The following SHC2 variants were observed in gnomAD, a reference collection of about 807,000 sequenced individuals.
SHC2 encodes the protein SHC-transforming protein 2.
A neutral mutation model predicts 60.6 loss-of-function variants in SHC2; 62 were observed. That is an observed-to-expected ratio of 1.02 (90% confidence interval 0.83 to 1.26). SHC2 has a LOEUF of 1.26. SHC2 is among the 50% of genes most tolerant of loss of function. The pLI is 0.00. For synonymous variants in SHC2, 375 were observed against 372.4 expected, an observed-to-expected ratio of 1.01 and a Z score of -0.08; for missense variants, 873 against 822.2, an observed-to-expected ratio of 1.06 and a Z score of -0.76.
intron 12 of SHC2, 104 bp from the exon 13 acceptor site, chr19:417,426 G>A (rs1974177961): frequency 6.6e-6 from 1 of 152,364 alleles, no homozygotes; most frequent in Non-Finnish European, 1.5e-5. Flanking sequence ...ATCTCTGCAA[G>A]TGCCACACCT....
At position 422,034 on chromosome 19, in the gene SHC2, G is replaced by C. The variant is rs980528154; in HGVS notation, c.1620+112C>G. On this transcript the variant is annotated intron_variant, in intron 11 of 12. Coordinates refer to ENST00000264554, the MANE Select transcript of SHC2 (RefSeq NM_012435.3). This position sits in a 1 kb window ranked among gnomAD's most constrained non-coding sequence, Gnocchi z 5.0. ...ATGCCCCGAGACCCTCGAGACCCTT[G>C]AGACCCTCCCACCTGTGCCCAGCGA... 1.8e-5 allele frequency: 10 copies of C among 543,264 alleles called. No individual in the cohort carries two copies. The African/African-American group carries it at 4.7e-4, about 25-fold the overall frequency. 33.7% of individuals were successfully genotyped at this position (543,264 alleles called of 1,614,324 possible).
At position 446,925 on chromosome 19, in the gene SHC2, C is replaced by T. The variant is rs1975067292; in HGVS notation, c.469-5993G>A. On this transcript the variant is annotated intron_variant, in intron 1 of 12. Coordinates refer to ENST00000264554, the MANE Select transcript of SHC2 (RefSeq NM_012435.3). The surrounding 1 kb of genome is among the most constrained non-coding windows in gnomAD (Gnocchi z 5.4). ...CAGCCTGGGAGACCGTCCGAGTCTC[C>T]GCCACCGCCCACGCCAGCCACCGGG... 6.6e-6 allele frequency among the ~76,000 whole-genome samples: 1 copy of T among 152,104 alleles called. No individual in the cohort carries two copies. Among genetic ancestry groups the T allele is most frequent in the African/African-American group, 2.4e-5 (1 of 41,410 alleles).
At chr19:423,113 G>A (rs1974324577) in intron 10 of SHC2, among the ~76,000 whole-genome samples, 1 of 151,580 alleles carries the variant, frequency 6.6e-6, no homozygotes, top group Admixed American at 6.6e-5. Flanking sequence ...CCAGCTCCTG[G>A]TCCTGGGGGG....
chr19:418,100 C>T (rs558143453), intron 12 of SHC2, among the ~76,000 whole-genome samples: 41 of 152,258 alleles, frequency 2.7e-4, no homozygotes, highest in African/African-American at 7.0e-4. Flanking sequence ...GTCCCTCCTC[C>T]GTCCACACCC....
At chr19:456,944 G>A (rs1369951990) in intron 1 of SHC2, among the ~76,000 whole-genome samples, 4 of 137,390 alleles carry the variant, frequency 2.9e-5, no homozygotes, top group Admixed American at 7.1e-5. Flanking sequence ...GCTGTGCCCC[G>A]CCCCTAGAAC....
chr19:436,296 G>T lies in SHC2; in HGVS notation c.827-5C>A. On this transcript the variant is annotated splice_polypyrimidine_tract_variant and splice_region_variant and intron_variant, in intron 6 of 12. Coordinates refer to ENST00000264554, the MANE Select transcript of SHC2 (RefSeq NM_012435.3). ...AGCACTCCAGGATGTGGCAGGCTGC[G>T]GGCACGTTGGTCATGCAGCCTCCGA... The T allele has an allele frequency of 6.3e-7, 1 of 1,588,316 alleles. No individual in the cohort carries two copies. The highest frequency in any genetic ancestry group is 1.1e-5 in the South Asian group (1 of 88,022).
Position 441,261 on chromosome 19 carries a change from G to T in SHC2, c.469-329C>A. 2 of 711,772 alleles carry T rather than the reference G, an allele frequency of 2.8e-6. No homozygotes were observed. Among genetic ancestry groups the T allele is most frequent in the South Asian group, 6.7e-5 (1 of 15,024 alleles). 44.1% of individuals were successfully genotyped at this position (711,772 alleles called of 1,614,324 possible). A position where few individuals can be genotyped will look rare whatever the true frequency, so the allele number is the denominator to read the frequency against. ...CTGTTCCACCAGCACCGAAGCCGAG[G>T]AGCGTGGGGATGGTGCGATCCTGAG... On this transcript the variant is annotated intron_variant, in intron 1 of 12. Transcript: ENST00000264554. The surrounding 1 kb of genome is among the most constrained non-coding windows in gnomAD (Gnocchi z 4.9).
In SHC2 at chr19:422,145, C is replaced by A; in HGVS notation, c.1620+1G>T. 1 of 1,603,162 alleles carries A rather than the reference C, an allele frequency of 6.2e-7. No homozygotes were observed. The highest frequency in any genetic ancestry group is 1.1e-5 in the South Asian group (1 of 89,424). The stretch of plus-strand genomic sequence containing the variant: ...GACCCTCCCACCTGTGCACAGCTTA[C>A]CACGCCCTCGGGGTCCACGAGCAGC... On this transcript the variant is annotated splice_donor_variant, in intron 11 of 12. Coordinates refer to ENST00000264554, the MANE Select transcript of SHC2 (RefSeq NM_012435.3). LOFTEE classifies it high-confidence loss of function. The surrounding 1 kb of genome is among the most constrained non-coding windows in gnomAD (Gnocchi z 5.0).
At chr19:435,211 ACT>A (rs1184688586) in intron 7 of SHC2, among the ~76,000 whole-genome samples, 2 of 152,140 alleles carry the variant, frequency 1.3e-5, no homozygotes, top group African/African-American at 4.8e-5. Context: ...CAGGGTGGCA[ACT>A]CTCTGGGATC....
chr19:427,543 ACGG>A, intron 9 of SHC2, among the ~76,000 whole-genome samples: 2 of 139,232 alleles, frequency 1.4e-5, no homozygotes, highest in African/African-American at 5.4e-5. Context: ...GGAATTGCGC[ACGG>A]CACAGGGAAG....
Position 436,233 on chromosome 19 carries a change from G to A in SHC2, c.885C>T (p.Gly295=). The change falls in exon 7 of 13, where the codon GGC becomes GGT. Residue 295 remains glycine (G), a synonymous_variant. Coordinates refer to ENST00000264554, the MANE Select transcript of SHC2 (RefSeq NM_012435.3). ...GCTTGAAGCGCAGCTCGAAAGCTTG[G>A]CCCACGGTGCTGATGATGCTCTGTG... ...GLAQSIISTV[G]QAFELRFKQY... is the part of the protein sequence containing the mutation. 6.2e-7 allele frequency: 1 copy of A among 1,600,354 alleles called. No individual in the cohort carries two copies. The highest frequency in any genetic ancestry group is 8.5e-7 in the Non-Finnish European group (1 of 1,174,140).
intron 1 of SHC2, among the ~76,000 whole-genome samples, chr19:443,630 ATGGACAGATGGATGGTTGGATGGG>A (rs1568293524): frequency 1.5e-5 from 2 of 134,484 alleles, no homozygotes; most frequent in East Asian, 2.5e-4. Flanking sequence ...GGGTGGATGG[ATGGACAGATGGATGGTTGGATGGG>A]TGGACAGATG....
rs1301707048 is a variant in SHC2 at position 418,999 on chromosome 19, G to A, written c.1678C>T (p.Gln560Ter). Residue 560 changes from glutamine (Q) to a stop codon, truncating the protein, a stop_gained, in exon 12 of 13, where the codon CAG becomes TAG. Coordinates refer to ENST00000264554, the MANE Select transcript of SHC2 (RefSeq NM_012435.3). LOFTEE classifies it high-confidence loss of function. ...SISHLIDHHLQNGQPIVAAES... is the reference protein window; with the variant it reads ...SISHLIDHHL ...GCGGCCACGATGGGCTGCCCGTTCTGCAGGTGGTGGTCGATCAGGTGGCTG... is the reference window on the plus strand; with the variant it reads ...GCGGCCACGATGGGCTGCCCGTTCTACAGGTGGTGGTCGATCAGGTGGCTG... The A allele has an allele frequency of 2.5e-6, 4 of 1,587,108 alleles. No homozygotes were observed. The highest frequency in any genetic ancestry group is 2.7e-5 in the African/African-American group (2 of 74,438).
At position 439,033 on chromosome 19, in the gene SHC2, G is replaced by A. The variant is rs1160649652; in HGVS notation, c.540-3C>T. The A allele has an allele frequency of 1.3e-6, 2 of 1,583,102 alleles. No homozygotes were observed. The highest frequency in any genetic ancestry group is 1.7e-6 in the Non-Finnish European group (2 of 1,164,988). ...CATGGAGCCGGTTGATGGCTTCCCT[G>A]GGGTTGGGAGGAGGGGGCTTAGAGA... On this transcript the variant is annotated splice_region_variant and splice_polypyrimidine_tract_variant and intron_variant, in intron 2 of 12. Transcript: ENST00000264554.
At position 425,060 on chromosome 19, in the gene SHC2, A is replaced by G; in HGVS notation, c.1309+37T>C. 1 of 1,350,980 alleles carries G rather than the reference A, an allele frequency of 7.4e-7. No homozygotes were observed. The highest frequency in any genetic ancestry group is 9.6e-7 in the Non-Finnish European group (1 of 1,042,292). 83.7% of individuals were successfully genotyped at this position (1,350,980 alleles called of 1,614,324 possible). ...GCCTCCCCCATCAGACAACACGGCC[A>G]CACGCGATGACGGCCGCCCCCCAGG... On this transcript the variant is annotated intron_variant, in intron 10 of 12. Coordinates refer to ENST00000264554, the MANE Select transcript of SHC2 (RefSeq NM_012435.3). The surrounding 1 kb of genome is among the most constrained non-coding windows in gnomAD (Gnocchi z 4.1).
intron 1 of SHC2, among the ~76,000 whole-genome samples, chr19:444,523 C>G (rs1161454037): frequency 6.6e-6 from 1 of 151,546 alleles, no homozygotes; most frequent in Admixed American, 6.6e-5. Flanking sequence ...GCCTAGTGCA[C>G]GGGGGAGGTG....
Position 460,549 on chromosome 19 carries a change from C to G in SHC2, c.448G>C (p.Gly150Arg). The G allele has an allele frequency of 2.1e-6, 3 of 1,404,494 alleles. No individual in the cohort carries two copies. Among genetic ancestry groups the G allele is most frequent in the African/African-American group, 1.5e-5 (1 of 66,784 alleles). 87.0% of individuals were successfully genotyped at this position (1,404,494 alleles called of 1,614,324 possible). ...LHPDARVLGP[G>R]VSYVVRYMGC... ...CTCACCCGCACGACGTAGGAGACCC[C>G]GGGCCCCAGGACCCTGGCGTCGGGG... Residue 150 changes from glycine to arginine, a missense_variant, in exon 1 of 13, where the codon GGG (glycine) becomes CGG (arginine). Gly to Arg is a moderately radical substitution (Grantham distance 125). Transcript: ENST00000264554.
chr19:458,043 AGGCG>A lies in SHC2; in HGVS notation c.468+2482_468+2485del, dbSNP rs1199304302. 2.3e-3 allele frequency among the ~76,000 whole-genome samples: 308 copies of A among 132,366 alleles called. 40 individuals carry two copies. The highest frequency in any genetic ancestry group is 3.4e-3 in the Non-Finnish European group (197 of 58,120). The allele number at this position is 132,366 out of a possible 152,430, so 86.8% of individuals were successfully genotyped here. On this transcript the variant is annotated intron_variant, in intron 1 of 12. Transcript: ENST00000264554. ...GGGGAGGCGGAAGTAGGTTCCGGGG[AGGCG>A]GAAGCGGGTCTTGGGGAGGCGGAAG...
chr19:417,447 C>T (rs559100549), intron 12 of SHC2, 125 bp from the exon 13 acceptor site: 34 of 152,484 alleles, frequency 2.2e-4, no homozygotes, highest in African/African-American at 8.2e-4. Flanking sequence ...CAGGTCCAGC[C>T]CAGAGCTCCT....
Sources: gnomAD v4.1 joint callset for allele counts (sites outside exome capture counted in the v4.1 genomes callset) on GRCh38, gnomAD v4.1.1 for gene constraint, Gnocchi (gnomAD v3.1) non-coding constraint, MANE v1.5 for transcripts, NCBI Gene and HGNC (gene_info 2026-07-23, HGNC 2026-07-21) for gene names.